Variants in WNK1 observed in about 807,000 individuals in gnomAD.
WNK1 encodes serine/threonine-protein kinase WNK1.
WNK1 carries 38 observed loss-of-function variants against 222.8 expected under a neutral mutation model. The observed-to-expected ratio is 0.17, with a 90% CI of 0.13 to 0.22. WNK1 has a LOEUF of 0.22. Among genes scored for constraint, WNK1 ranks in the 10% least tolerant of loss-of-function variants. The pLI, the probability that WNK1 is intolerant of heterozygous loss-of-function variation, is 1.00. For missense variants in WNK1, 2,348 were observed against 2,918.4 expected (o/e 0.80, Z 4.50); for synonymous variants, 1,090 against 1,092.9 (o/e 1.00, Z 0.05).
chr12:889,028 G>T, intron 20 of WNK1, 112 bp from the exon 21 acceptor site: 2 of 848,530 alleles, frequency 2.4e-6, no homozygotes, highest in Non-Finnish European at 4.1e-6. Flanking sequence ...AAAGACAAAT[G>T]TTATGTTGTG....
chr12:792,972 TA>T (rs1944987405), intron 1 of WNK1, among the ~76,000 whole-genome samples: 1 of 152,088 alleles, frequency 6.6e-6, no homozygotes, highest in Non-Finnish European at 1.5e-5. Flanking sequence ...AAAATGAGGG[TA>T]ATGTTTTAGT....
rs1353191633 is a variant in WNK1, at chr12:825,856, C to T, written c.933-1186C>T. Among the ~76,000 whole-genome samples, 6 of 152,138 alleles carry T rather than the reference C, an allele frequency of 3.9e-5. No homozygotes were observed. In the East Asian group the frequency reaches 1.2e-3, roughly 29 times the overall value. On this transcript the variant is annotated intron_variant, in intron 2 of 27. Coordinates refer to ENST00000315939, the MANE Select transcript of WNK1 (RefSeq NM_018979.4). ...AAAGATACTGAAAGGAAAATGTAGT[C>T]TTTTCTATTTAACATTTTTAGTGCT...
intron 1 of WNK1, among the ~76,000 whole-genome samples, chr12:764,373 C>T (rs1016425514): frequency 8.2e-5 from 12 of 146,872 alleles, no homozygotes; most frequent in Non-Finnish European, 1.2e-4. Context: ...CGGTGGCTCA[C>T]GCCTGTAATC....
In WNK1 at chr12:868,196, C is replaced by T. The variant is rs939997163; in HGVS notation, c.2140-3069C>T. ...GATACAGGTCCATCCTATGTTTGAA[C>T]CATCTCAAGTTTACAGTGACTATAG... On this transcript the variant is annotated intron_variant, in intron 8 of 27. Coordinates refer to ENST00000315939, the MANE Select transcript of WNK1 (RefSeq NM_018979.4). 11 of 1,613,698 alleles carry T rather than the reference C, an allele frequency of 6.8e-6. No homozygotes were observed. The highest frequency in any genetic ancestry group is 8.5e-7 in the Non-Finnish European group (1 of 1,179,720).
At chr12:875,825 T>A (rs1377778242) in intron 9 of WNK1, among the ~76,000 whole-genome samples, 1 of 152,310 alleles carries the variant, frequency 6.6e-6, no homozygotes, top group East Asian at 1.9e-4. Flanking sequence ...GGAGCAGTAT[T>A]TCTGAATTAA....
At position 861,995 on chromosome 12, in the gene WNK1, A is replaced by G; in HGVS notation, c.1952-88A>G. ...GGAATAACTAGTTACCCCTAATATA[A>G]TGGGTCTAAATATGAGAAAATGTGA... On this transcript the variant is annotated intron_variant, in intron 7 of 27. Transcript: ENST00000315939. The G allele has an allele frequency of 4.8e-6, 7 of 1,465,306 alleles. No homozygotes were observed. The South Asian group carries it at 7.0e-5, about 15-fold the overall frequency. 90.8% of individuals were successfully genotyped at this position (1,465,306 alleles called of 1,614,324 possible). A position where few individuals can be genotyped will look rare whatever the true frequency, so the allele number is the denominator to read the frequency against.
chr12:889,011 G>A lies in WNK1; in HGVS notation c.5365-129G>A. ...ACTAAATTTGAGTATAGTTTTGTAT[G>A]TTCCATAAAGACAAATGTTATGTTG... On this transcript the variant is annotated intron_variant, in intron 20 of 27. Transcript: ENST00000315939. 3.8e-6 allele frequency: 3 copies of A among 795,426 alleles called. 1 individual carries two copies. Among genetic ancestry groups the A allele is most frequent in the South Asian group, 2.8e-5 (2 of 72,574 alleles). The allele number at this position is 795,426 out of a possible 1,614,324, so 49.3% of individuals were successfully genotyped here. A position where few individuals can be genotyped will look rare whatever the true frequency, so the allele number is the denominator to read the frequency against.
chr12:879,471 T>TTCTTTTTGGCTAA, intron 10 of WNK1, 102 bp from the exon 11 acceptor site: 2 of 749,698 alleles, frequency 2.7e-6, no homozygotes. Flanking sequence ...TGTTTTTTCC[T>TTCTTTTTGGCTAA]TCTTTTTGGC....
chr12:752,717 C>G lies in WNK1; in HGVS notation c.-849C>G. ...CTTTTCTCTCCCTGTTCCCCCTCAC[C>G]CAGTCCTCTAGGTCTCCTCTCCTCT... On this transcript the variant is annotated 5_prime_UTR_variant, in exon 1 of 28. Transcript: ENST00000315939. The G allele has an allele frequency of 6.6e-6, 1 of 152,376 alleles. No homozygotes were observed. The highest frequency in any genetic ancestry group is 1.5e-5 in the Non-Finnish European group (1 of 68,180). The allele number at this position is 152,376 out of a possible 1,614,324, so 9.4% of individuals were successfully genotyped here.
chr12:857,506 G>C (rs925250813), intron 5 of WNK1, among the ~76,000 whole-genome samples: 3 of 152,140 alleles, frequency 2.0e-5, no homozygotes, highest in African/African-American at 7.2e-5. Context: ...CATGAGAACT[G>C]CTTACTTAAA....
At position 880,981 on chromosome 12, in the gene WNK1, C is replaced by T. The variant is rs973444461; in HGVS notation, c.3093C>T (p.Ser1031=). 8 of 1,613,930 alleles carry T rather than the reference C, an allele frequency of 5.0e-6. No homozygotes were observed. In the African/African-American group the frequency reaches 9.3e-5, roughly 19 times the overall value. Residue 1031 remains serine, a synonymous_variant, in exon 12 of 28, where the codon TCC becomes TCT. Coordinates refer to ENST00000315939, the MANE Select transcript of WNK1 (RefSeq NM_018979.4). The part of the protein sequence containing the change: ...GSLAQAPTTS[S]QQAVLESTQG... ...TAGCACAAGCCCCCACTACATCCTC[C>T]CAGCAAGCAGTTTTGGAGGTAAATA...
intron 4 of WNK1, among the ~76,000 whole-genome samples, chr12:833,023 T>C (rs1056357605): frequency 3.3e-5 from 5 of 152,176 alleles, no homozygotes; most frequent in African/African-American, 1.2e-4. Flanking sequence ...TCTTTTTTTT[T>C]TTCCTTTGAG....
At chr12:894,091 G>A (rs528675810) in intron 22 of WNK1, among the ~76,000 whole-genome samples, 5 of 151,974 alleles carry the variant, frequency 3.3e-5, no homozygotes, top group South Asian at 4.2e-4. Flanking sequence ...GGTGGCACAC[G>A]CCTGTAATCC....
In WNK1 at chr12:900,473, C is replaced by T. The variant is rs1242173740; in HGVS notation, c.6449-3C>T. On this transcript the variant is annotated splice_polypyrimidine_tract_variant and splice_region_variant and intron_variant, in intron 25 of 27. Transcript: ENST00000315939. ...TTCCTCATGCCACTTTATCTTTTGG[C>T]AGGTAACCTGTCTGGTCAGAGTGCA... 6.2e-7 allele frequency: 1 copy of T among 1,614,048 alleles called. No individual in the cohort carries two copies. Among genetic ancestry groups the T allele is most frequent in the Non-Finnish European group, 8.5e-7 (1 of 1,180,030 alleles).
At chr12:864,502 T>C (rs1951474060) in intron 8 of WNK1, among the ~76,000 whole-genome samples, 1 of 152,206 alleles carries the variant, frequency 6.6e-6, no homozygotes, top group Non-Finnish European at 1.5e-5. Flanking sequence ...GTTGTGAATT[T>C]CTTCTAGAAA....
At chr12:813,616 C>G in intron 1 of WNK1, 26 bp from the exon 2 acceptor site, 1 of 1,610,356 alleles carries the variant, frequency 6.2e-7, no homozygotes. Flanking sequence ...TTTTAAACCA[C>G]ATTCTGTTTT....
intron 9 of WNK1, among the ~76,000 whole-genome samples, chr12:874,316 C>T (rs190788612): frequency 2.2e-4 from 34 of 152,322 alleles, no homozygotes; most frequent in Admixed American, 2.0e-3. Flanking sequence ...AGTGGGACTG[C>T]GCACAGCAGA....
In WNK1 at chr12:885,604, C is replaced by T; in HGVS notation, c.4800C>T (p.Ile1600=). 1 of 1,614,136 alleles carries T rather than the reference C, an allele frequency of 6.2e-7. No individual in the cohort carries two copies. The highest frequency in any genetic ancestry group is 8.5e-7 in the Non-Finnish European group (1 of 1,180,014). Residue 1600 remains isoleucine, a synonymous_variant, in exon 19 of 28, where the codon ATC becomes ATT. Transcript: ENST00000315939. ...STPLLPQVPS[I]PPLVQPVANV... is the part of the protein sequence containing the mutation. ...CTTTATTACCCCAAGTACCTAGTAT[C>T]CCACCCTTGGTACAGCCTGTTGCCA...
intron 1 of WNK1, among the ~76,000 whole-genome samples, chr12:764,659 G>GA (rs1240149241): frequency 4.7e-5 from 5 of 105,764 alleles, no homozygotes; most frequent in Non-Finnish European, 1.0e-4. Context: ...AAAAAAGAAA[G>GA]AAAAATCATT....
Sources: allele counts gnomAD v4.1 joint callset (sites outside exome capture counted in the v4.1 genomes callset), GRCh38; gene constraint gnomAD v4.1.1; transcripts MANE v1.5; gene names NCBI Gene and HGNC (gene_info 2026-07-23, HGNC 2026-07-21).